The following TENM1 variants were observed in gnomAD, a reference collection of about 807,000 sequenced individuals.
TENM1 encodes the protein teneurin-1.
In TENM1, 35 loss-of-function variants were observed where a neutral mutation model predicts 174.8. The ratio of observed to expected loss-of-function variants is 0.20; its 90% CI spans 0.15 to 0.27. TENM1 has a LOEUF of 0.27. Ranked by LOEUF, TENM1 falls within the 10% of genes least tolerant of loss-of-function variation. The probability of loss-of-function intolerance (pLI) is 1.00; values close to 1 mark genes in which losing one functional copy is unlikely to be tolerated. For missense variants in TENM1, 1,633 were observed against 2,130.1 expected (o/e 0.77, Z 4.59); for synonymous variants, 781 against 798.7 (o/e 0.98, Z 0.37).
At chrX:125,184,428 T>A in the TENM1 span, among the ~76,000 whole-genome samples, 1 of 111,640 alleles carries the variant, frequency 9.0e-6, no homozygotes, top group Non-Finnish European at 1.9e-5. Flanking sequence ...TGATCTTACA[T>A]TTTTTTTCCT....
chrX:124,742,384 T>A (rs780303672), intron 3 of TENM1, among the ~76,000 whole-genome samples: 1 of 110,939 alleles, frequency 9.0e-6, no homozygotes, highest in Non-Finnish European at 1.9e-5. Context: ...CTCTGAAAAA[T>A]GAGTTTGTTT....
chrX:125,062,226 A>G, the TENM1 span, among the ~76,000 whole-genome samples: 3 of 112,160 alleles, frequency 2.7e-5, no homozygotes, highest in East Asian at 5.6e-4. Flanking sequence ...GTTAGCTATT[A>G]TAACACTTTT....
the TENM1 span, among the ~76,000 whole-genome samples, chrX:125,087,749 A>G: frequency 1.8e-5 from 2 of 111,562 alleles, no homozygotes; most frequent in Non-Finnish European, 3.8e-5. Flanking sequence ...AACTGGAACA[A>G]TTCGAGAAAC....
intron 3 of TENM1, among the ~76,000 whole-genome samples, chrX:124,868,638 A>G (rs1180284026): frequency 9.0e-6 from 1 of 111,392 alleles, no homozygotes; most frequent in Non-Finnish European, 1.9e-5. Flanking sequence ...ATGGGATCAC[A>G]TCAAGTTAAA....
chrX:124,460,698 A>C (rs1341761297), intron 22 of TENM1, among the ~76,000 whole-genome samples: 1 of 109,061 alleles, frequency 9.2e-6, no homozygotes, highest in Non-Finnish European at 1.9e-5. Context: ...TTACCTACGT[A>C]ATAAACCTGT....
Position 124,828,460 on chromosome X carries a change from T to C in TENM1, c.535+65836A>G, listed in dbSNP as rs778766957. ...TTTTCTAGTGAGCATTTGCAGTTTATGAGTCAAGAACTCTCTGAGAAGATA... is the reference window on the plus strand; with the variant it reads ...TTTTCTAGTGAGCATTTGCAGTTTACGAGTCAAGAACTCTCTGAGAAGATA... On this transcript the variant is annotated intron_variant, in intron 3 of 31. Coordinates refer to ENST00000422452, the Ensembl canonical transcript of TENM1. Among the ~76,000 whole-genome samples the C allele has an allele frequency of 2.3e-3, 259 of 112,591 alleles. 1 individual carries two copies. Among genetic ancestry groups the C allele is most frequent in the Middle Eastern group, 0.014 (3 of 218 alleles).
At chrX:124,916,614 T>C (rs907103824) in intron 1 of TENM1, among the ~76,000 whole-genome samples, 1 of 111,639 alleles carries the variant, frequency 9.0e-6, no homozygotes, top group African/African-American at 3.3e-5. Flanking sequence ...TGAAATTTAA[T>C]TGTCATTATA....
intron 5 of TENM1, among the ~76,000 whole-genome samples, chrX:124,686,224 C>G (rs940025730): frequency 3.6e-5 from 4 of 110,827 alleles, no homozygotes; most frequent in Non-Finnish European, 7.6e-5. Flanking sequence ...AAAAGAAAAC[C>G]CTACCAACTG....
At chrX:125,025,723 GAGACCTAA>G in the TENM1 span, among the ~76,000 whole-genome samples, 1 of 111,657 alleles carries the variant, frequency 9.0e-6, no homozygotes, top group Non-Finnish European at 1.9e-5. Flanking sequence ...CTCTTGGTAA[GAGACCTAA>G]AACACAATTA....
At chrX:124,930,303 C>T (rs2884021) in intron 1 of TENM1, among the ~76,000 whole-genome samples, 11,501 of 111,771 alleles carry the variant, frequency 0.1, 1,393 homozygotes, top group African/African-American at 0.35. Flanking sequence ...ATTGAATAAA[C>T]AGTAGCAGTT....
intron 3 of TENM1, among the ~76,000 whole-genome samples, chrX:124,770,570 TA>T (rs1365986526): frequency 9.0e-6 from 1 of 110,566 alleles, no homozygotes; most frequent in African/African-American, 3.3e-5. Context: ...CACACCCAGC[TA>T]AATTTCTTAG....
chrX:124,514,419 T>C (rs1201117593), intron 18 of TENM1, among the ~76,000 whole-genome samples: 1 of 111,152 alleles, frequency 9.0e-6, no homozygotes, highest in Non-Finnish European at 1.9e-5. Flanking sequence ...AGGTGTTGGT[T>C]TTTTGAAAAA....
chrX:124,871,522 CAGG>C (rs751491069), intron 3 of TENM1, among the ~76,000 whole-genome samples: 1 of 111,911 alleles, frequency 8.9e-6, no homozygotes, highest in African/African-American at 3.2e-5. Context: ...AGGGAAAGAT[CAGG>C]AGTTTAGTTT....
intron 1 of TENM1, among the ~76,000 whole-genome samples, chrX:124,933,319 G>T (rs1442614450): frequency 6.2e-5 from 7 of 112,108 alleles, no homozygotes; most frequent in Non-Finnish European, 1.3e-4. Context: ...AAATACAATT[G>T]GGAAAGCCCT....
the TENM1 span, among the ~76,000 whole-genome samples, chrX:125,069,891 T>C: frequency 8.9e-6 from 1 of 111,743 alleles, no homozygotes; most frequent in African/African-American, 3.2e-5. Context: ...TTTCTCTGCA[T>C]CCACATCAAT....
At chrX:125,086,898 G>A in the TENM1 span, among the ~76,000 whole-genome samples, 1 of 111,093 alleles carries the variant, frequency 9.0e-6, no homozygotes, top group Non-Finnish European at 1.9e-5. Flanking sequence ...AAAGAAAGTC[G>A]CTATCACACA....
chrX:125,001,288 G>T, the TENM1 span, among the ~76,000 whole-genome samples: 1 of 111,021 alleles, frequency 9.0e-6, no homozygotes, highest in Admixed American at 9.6e-5. Flanking sequence ...GTCTGGCAGC[G>T]CCCTTTCTAT....
chrX:124,740,047 T>G lies in TENM1; in HGVS notation c.536-2850A>C, dbSNP rs750095482. Among the ~76,000 whole-genome samples, 7 of 111,885 alleles carry G rather than the reference T, an allele frequency of 6.3e-5. No individual in the cohort carries two copies. In the East Asian group the frequency reaches 2.0e-3, roughly 32 times the overall value. On this transcript the variant is annotated intron_variant, in intron 3 of 31. Transcript: ENST00000422452. ...GATACTCTGAAGAAGGTGCTTAAAA[T>G]GATGCCCCTTCATGATGTGAAAAAA...
At chrX:124,495,676 CTCT>C (rs764111824) in intron 20 of TENM1, among the ~76,000 whole-genome samples, 45 of 107,666 alleles carry the variant, frequency 4.2e-4, no homozygotes, top group African/African-American at 1.5e-3. Context: ...TGTGAAGGAC[CTCT>C]TCAAGGAGAA....
Sources: allele counts gnomAD v4.1 joint callset (sites outside exome capture counted in the v4.1 genomes callset), GRCh38; gene constraint gnomAD v4.1.1; transcripts MANE v1.5; gene names NCBI Gene and HGNC (gene_info 2026-07-23, HGNC 2026-07-21).